The following SCAPER variants were observed in gnomAD, a reference collection of about 807,000 sequenced individuals.
SCAPER encodes S-phase cyclin A associated protein in the ER, also known as S phase cyclin A-associated protein in the endoplasmic reticulum.
SCAPER carries 98 observed loss-of-function variants against 182.2 expected under a neutral mutation model. The observed-to-expected ratio is 0.54, with a 90% CI of 0.46 to 0.64. The LOEUF is 0.64. Ranked by LOEUF, SCAPER falls within the 30% of genes least tolerant of loss-of-function variation. The probability of loss-of-function intolerance (pLI) is 0.00; values close to 1 mark genes in which losing one functional copy is unlikely to be tolerated. For missense variants in SCAPER, 1,432 were observed against 1,690.0 expected, an observed-to-expected ratio of 0.85 and a Z score of 2.68; for synonymous variants, 605 against 564.6, an observed-to-expected ratio of 1.07 and a Z score of -1.01.
At chr15:76,544,907 A>T (rs1266660130) in intron 23 of SCAPER, among the ~76,000 whole-genome samples, 1 of 152,124 alleles carries the variant, frequency 6.6e-6, no homozygotes, top group Non-Finnish European at 1.5e-5. Context: ...TGTTACCTAG[A>T]CTCATTACTT....
chr15:76,530,889 T>C (rs972293819), intron 23 of SCAPER, among the ~76,000 whole-genome samples: 4 of 151,844 alleles, frequency 2.6e-5, no homozygotes, highest in Non-Finnish European at 4.4e-5. Flanking sequence ...TAAAGTTATG[T>C]TTGTGTGTAT....
In SCAPER at chr15:76,613,095, T is replaced by C. The variant is rs2051147301; in HGVS notation, c.2711+8669A>G. Among the ~76,000 whole-genome samples, 6 of 152,052 alleles carry C rather than the reference T, an allele frequency of 3.9e-5. No homozygotes were observed. The South Asian group carries it at 6.2e-4, about 16-fold the overall frequency. ...AGACACATAGACCAATGGAACAGAATAGAGCGCCCAGAAATAAAGCCACAC... is the reference window on the plus strand; with the variant it reads ...AGACACATAGACCAATGGAACAGAACAGAGCGCCCAGAAATAAAGCCACAC... On this transcript the variant is annotated intron_variant, in intron 22 of 31. Coordinates refer to ENST00000563290, the MANE Select transcript of SCAPER (RefSeq NM_020843.4).
Position 76,848,665 on chromosome 15 carries a change from C to T in SCAPER, c.196-6734G>A, listed in dbSNP as rs568105372. ...TTATGTCTACCCCTTCTGAGATAATCGTTTATTATATGTGTATCTAAAGGA... is the reference window on the plus strand; with the variant it reads ...TTATGTCTACCCCTTCTGAGATAATTGTTTATTATATGTGTATCTAAAGGA... On this transcript the variant is annotated intron_variant, in intron 4 of 31. Coordinates refer to ENST00000563290, the MANE Select transcript of SCAPER (RefSeq NM_020843.4). 8.8e-4 allele frequency among the ~76,000 whole-genome samples: 134 copies of T among 152,178 alleles called. 1 individual carries two copies. The highest frequency in any genetic ancestry group is 3.4e-3 in the Middle Eastern group (1 of 294).
intron 23 of SCAPER, among the ~76,000 whole-genome samples, chr15:76,537,969 T>G (rs1433847036): frequency 6.6e-6 from 1 of 151,780 alleles, no homozygotes; most frequent in Admixed American, 6.6e-5. Flanking sequence ...GAAAAAATGC[T>G]CATCATCACT....
chr15:76,710,352 C>T (rs1002400772), intron 17 of SCAPER, among the ~76,000 whole-genome samples: 33 of 152,040 alleles, frequency 2.2e-4, no homozygotes, highest in Non-Finnish European at 3.4e-4. Context: ...CAACTTATGG[C>T]TTTTTGAGTT....
At chr15:76,683,362 G>A (rs1029199336) in intron 20 of SCAPER, among the ~76,000 whole-genome samples, 1 of 151,954 alleles carries the variant, frequency 6.6e-6, no homozygotes, top group African/African-American at 2.4e-5. Context: ...AAAGAAAAAA[G>A]AATAAAGAAA....
chr15:76,818,812 A>G (rs1415366320), intron 5 of SCAPER, among the ~76,000 whole-genome samples: 3 of 152,254 alleles, frequency 2.0e-5, no homozygotes, highest in Non-Finnish European at 2.9e-5. Context: ...GGGAAGCCCA[A>G]GGGGTCAGGG....
chr15:76,768,165 T>TA (rs1321097479), intron 10 of SCAPER, among the ~76,000 whole-genome samples: 2 of 152,134 alleles, frequency 1.3e-5, no homozygotes, highest in African/African-American at 4.8e-5. Flanking sequence ...TGGTTAAACA[T>TA]AGAGTTCATA....
chr15:76,713,624 T>A (rs1303231734), intron 17 of SCAPER, among the ~76,000 whole-genome samples: 1 of 150,954 alleles, frequency 6.6e-6, no homozygotes. Flanking sequence ...CTCTGGGGAC[T>A]GTTGTGGGGT....
chr15:76,803,370 C>G (rs2151523556), intron 6 of SCAPER, among the ~76,000 whole-genome samples: 1 of 152,322 alleles, frequency 6.6e-6, no homozygotes, highest in African/African-American at 2.4e-5. Context: ...CCTCAGGAAG[C>G]CTTCCTAGAC....
chr15:76,478,745 C>A (rs550170562), intron 24 of SCAPER, among the ~76,000 whole-genome samples: 2 of 152,118 alleles, frequency 1.3e-5, no homozygotes, highest in East Asian at 3.9e-4. Flanking sequence ...TATCTATCAT[C>A]GTGTCTATTT....
At chr15:76,793,369 G>C in intron 8 of SCAPER, 2 of 668,534 alleles carry the variant, frequency 3.0e-6, no homozygotes, top group Non-Finnish European at 5.5e-6. Flanking sequence ...GCCCCTAGGT[G>C]GCTTCAGGAT....
intron 22 of SCAPER, among the ~76,000 whole-genome samples, chr15:76,584,929 C>T (rs992347278): frequency 1.3e-5 from 2 of 152,028 alleles, no homozygotes; most frequent in Non-Finnish European, 2.9e-5. Context: ...TTTATGTAAA[C>T]GTTAAAATTT....
chr15:76,669,383 C>CTT (rs913389977), intron 20 of SCAPER, among the ~76,000 whole-genome samples: 3 of 133,072 alleles, frequency 2.3e-5, no homozygotes, highest in African/African-American at 8.3e-5. Flanking sequence ...TACAAAAAAA[C>CTT]TTAAAACAAA....
chr15:76,376,600 T>A (rs2042587563), intron 28 of SCAPER, among the ~76,000 whole-genome samples: 1 of 152,218 alleles, frequency 6.6e-6, no homozygotes, highest in African/African-American at 2.4e-5. Flanking sequence ...TTTTAATAAC[T>A]TAATTTTTCT....
chr15:76,399,615 C>G (rs542220881), intron 27 of SCAPER, among the ~76,000 whole-genome samples: 122 of 152,286 alleles, frequency 8.0e-4, no homozygotes, highest in African/African-American at 2.8e-3. Flanking sequence ...CAAAACTAAG[C>G]CTGGTACAAG....
chr15:76,552,836 T>A (rs1247264658), intron 23 of SCAPER, among the ~76,000 whole-genome samples: 1 of 152,018 alleles, frequency 6.6e-6, no homozygotes. Context: ...GACTTGCCCA[T>A]GGTTAGTCCG....
At chr15:76,857,705 GATAA>G (rs1300408996) in intron 4 of SCAPER, 100 bp downstream of exon 4, 8 of 758,354 alleles carry the variant, frequency 1.1e-5, no homozygotes, top group South Asian at 4.5e-5. Flanking sequence ...TTTTTATTTA[GATAA>G]ATAATATTCA....
chr15:76,558,162 A>G (rs1307172232), intron 23 of SCAPER, among the ~76,000 whole-genome samples: 1 of 152,194 alleles, frequency 6.6e-6, no homozygotes, highest in African/African-American at 2.4e-5. Context: ...ATCTAATTAA[A>G]CTAAAGAGTT....
Sources: allele counts gnomAD v4.1 joint callset (sites outside exome capture counted in the v4.1 genomes callset), GRCh38; gene constraint gnomAD v4.1.1; transcripts MANE v1.5; gene names NCBI Gene and HGNC (gene_info 2026-07-23, HGNC 2026-07-21).